CTTNBP2NL: variants seen among roughly 807,000 people sequenced by gnomAD.
CTTNBP2NL encodes CTTNBP2 N-terminal like.
A neutral mutation model predicts 32.5 loss-of-function variants in CTTNBP2NL; 16 were observed. The ratio of observed to expected loss-of-function variants is 0.49; its 90% CI spans 0.33 to 0.75. The LOEUF is 0.75. Ranked by LOEUF, CTTNBP2NL falls within the 30% of genes least tolerant of loss-of-function variation. CTTNBP2NL has a pLI of 0.02. For missense variants in CTTNBP2NL, 645 were observed against 756.0 expected (o/e 0.85, Z 1.72); for synonymous variants, 298 against 289.4 (o/e 1.03, Z -0.30).
At chr1:112,411,958 A>G (rs1251899891) in intron 1 of CTTNBP2NL, among the ~76,000 whole-genome samples, 1 of 152,236 alleles carries the variant, frequency 6.6e-6, no homozygotes, top group Non-Finnish European at 1.5e-5. Flanking sequence ...TTAAAGTGGA[A>G]AAGATCTCAA....
chr1:112,432,066 ATTTT>A (rs11440212), intron 3 of CTTNBP2NL, among the ~76,000 whole-genome samples: 1 of 91,048 alleles, frequency 1.1e-5, no homozygotes, highest in East Asian at 3.8e-4. Flanking sequence ...ATATATTTTG[ATTTT>A]TTTTTTTTTT....
chr1:112,440,176 CT>C (rs1447887866), intron 3 of CTTNBP2NL, among the ~76,000 whole-genome samples: 3 of 152,166 alleles, frequency 2.0e-5, no homozygotes, highest in Non-Finnish European at 4.4e-5. Context: ...GTCCAGAAAA[CT>C]TTCCCAGATT....
intron 2 of CTTNBP2NL, among the ~76,000 whole-genome samples, chr1:112,415,190 TAAAAC>T (rs1649018360): frequency 6.6e-6 from 1 of 151,820 alleles, no homozygotes; most frequent in South Asian, 2.1e-4. Context: ...GACCCTGTCT[TAAAAC>T]AAAAAAAAAT....
chr1:112,394,320 T>C (rs762747472), upstream of CTTNBP2NL, among the ~76,000 whole-genome samples: 2 of 152,128 alleles, frequency 1.3e-5, no homozygotes, highest in African/African-American at 2.4e-5. Flanking sequence ...ATCTGCTTCA[T>C]TGTCAGGCGA....
intron 5 of CTTNBP2NL, 96 bp downstream of exon 5, chr1:112,454,652 G>T: frequency 1.1e-6 from 1 of 890,716 alleles, no homozygotes; most frequent in Middle Eastern, 2.2e-4. Context: ...TTCAGAAAAG[G>T]GGCTTTGTGG....
chr1:112,416,315 T>C (rs759246542), intron 3 of CTTNBP2NL, 51 bp downstream of exon 3: 4 of 930,894 alleles, frequency 4.3e-6, no homozygotes, highest in Non-Finnish European at 6.7e-6. Flanking sequence ...TGAAAGTCAT[T>C]CATTAGTTTT....
In CTTNBP2NL at chr1:112,457,412, G is replaced by A. The variant is rs1650405844; in HGVS notation, c.1920G>A (p.Ter640=). 6.2e-7 allele frequency: 1 copy of A among 1,602,688 alleles called. No individual in the cohort carries two copies. The highest frequency in any genetic ancestry group is 8.5e-7 in the Non-Finnish European group (1 of 1,173,368). The change falls in exon 6 of 6, where the codon TAG becomes TAA. Residue 640 remains the stop codon, a stop_retained_variant. Transcript: ENST00000271277. ...AGTTACTTTTGCCTACCAGCAGCTA[G>A]TCCCTAGGAGGGAGTCTCCACGTTT... ...DVELLLPTSS[*]
At chr1:112,429,791 A>G (rs1649507052) in intron 3 of CTTNBP2NL, among the ~76,000 whole-genome samples, 1 of 152,210 alleles carries the variant, frequency 6.6e-6, no homozygotes, top group Admixed American at 6.5e-5. Flanking sequence ...ATCTTTATAT[A>G]TAATAAAGAA....
chr1:112,396,193 CGGCTGAGGG>C (rs1435212251), upstream of CTTNBP2NL: 1 of 151,834 alleles, frequency 6.6e-6, no homozygotes, highest in African/African-American at 2.4e-5. Flanking sequence ...CCCCGCCGGG[CGGCTGAGGG>C]GGCGGAGCCT....
At chr1:112,452,225 A>G (rs1310632814) in intron 4 of CTTNBP2NL, among the ~76,000 whole-genome samples, 3 of 151,780 alleles carry the variant, frequency 2.0e-5, no homozygotes, top group Admixed American at 2.0e-4. Context: ...AGTGGCTATT[A>G]ACAGGTGCGA....
At chr1:112,419,182 A>G (rs1401785425) in intron 3 of CTTNBP2NL, among the ~76,000 whole-genome samples, 1 of 152,158 alleles carries the variant, frequency 6.6e-6, no homozygotes, top group African/African-American at 2.4e-5. Context: ...TGCTGTTGCA[A>G]AATCCCCCAA....
chr1:112,432,451 A>C (rs1649596403), intron 3 of CTTNBP2NL, among the ~76,000 whole-genome samples: 1 of 152,170 alleles, frequency 6.6e-6, no homozygotes, highest in Non-Finnish European at 1.5e-5. Context: ...ATGGGATGTC[A>C]AGGAAACTGG....
intron 3 of CTTNBP2NL, among the ~76,000 whole-genome samples, chr1:112,434,740 G>T (rs1439826111): frequency 6.6e-6 from 1 of 152,148 alleles, no homozygotes; most frequent in Non-Finnish European, 1.5e-5. Context: ...TCTGACCTCT[G>T]TAGCCAAATT....
chr1:112,449,442 GTTC>G (rs1311052488), intron 4 of CTTNBP2NL, among the ~76,000 whole-genome samples: 5 of 148,838 alleles, frequency 3.4e-5, no homozygotes, highest in African/African-American at 1.2e-4. Flanking sequence ...TGTTTTTTCA[GTTC>G]TTGATCATTC....
intron 4 of CTTNBP2NL, among the ~76,000 whole-genome samples, chr1:112,452,593 T>A (rs1402251989): frequency 2.0e-5 from 3 of 150,332 alleles, no homozygotes; most frequent in Non-Finnish European, 4.4e-5. Context: ...ATCCACCTGC[T>A]TTGGCCTCCC....
intron 1 of CTTNBP2NL, among the ~76,000 whole-genome samples, chr1:112,409,838 A>G (rs1195779947): frequency 3.3e-5 from 5 of 152,192 alleles, no homozygotes; most frequent in Admixed American, 1.3e-4. Flanking sequence ...AGAGGGGAAA[A>G]TATCAGAATA....
At chr1:112,420,234 C>A (rs1038039999) in intron 3 of CTTNBP2NL, among the ~76,000 whole-genome samples, 1 of 151,790 alleles carries the variant, frequency 6.6e-6, no homozygotes, top group Non-Finnish European at 1.5e-5. Context: ...CAGCCTCCGC[C>A]TCCTGAGTTC....
At chr1:112,433,359 C>T (rs1649630643) in intron 3 of CTTNBP2NL, among the ~76,000 whole-genome samples, 1 of 152,090 alleles carries the variant, frequency 6.6e-6, no homozygotes, top group South Asian at 2.1e-4. Context: ...TTTGGGAGGC[C>T]AAGGTGGGTG....
At chr1:112,426,498 C>A (rs924250818) in intron 3 of CTTNBP2NL, among the ~76,000 whole-genome samples, 1 of 151,070 alleles carries the variant, frequency 6.6e-6, no homozygotes, top group African/African-American at 2.4e-5. Context: ...TGAAGACCAG[C>A]TTGGGCAATA....
Sources: gnomAD v4.1 joint callset for allele counts (sites outside exome capture counted in the v4.1 genomes callset) on GRCh38, gnomAD v4.1.1 for gene constraint, MANE v1.5 for transcripts, NCBI Gene and HGNC (gene_info 2026-07-23, HGNC 2026-07-21) for gene names.